Variants in USP6NL observed in about 807,000 individuals in gnomAD.
USP6NL encodes the protein USP6 N-terminal like, also known as USP6 N-terminal-like protein.
A neutral mutation model predicts 61.9 loss-of-function variants in USP6NL; 26 were observed. That is an observed-to-expected ratio of 0.42 (90% confidence interval 0.31 to 0.58). The LOEUF is 0.58. Among genes scored for constraint, USP6NL ranks in the 20% least tolerant of loss-of-function variants. USP6NL has a pLI of 0.16. For synonymous variants in USP6NL, 432 were observed against 390.1 expected, an observed-to-expected ratio of 1.11 and a Z score of -1.27; for missense variants, 1,114 against 1,034.3, an observed-to-expected ratio of 1.08 and a Z score of -1.06.
Position 11,513,208 on chromosome 10 carries a change from G to C in USP6NL, c.196-3533C>G, listed in dbSNP as rs1261288141. Among the ~76,000 whole-genome samples, 2 of 152,212 alleles carry C rather than the reference G, an allele frequency of 1.3e-5. No homozygotes were observed. Among genetic ancestry groups the C allele is most frequent in the Non-Finnish European group, 2.9e-5 (2 of 68,030 alleles). Reference sequence around the variant, plus strand: ...TAACATTCTGTGGTCTCAAGGTGGAGGGGTGGGAAGTAGAATGAATATGAA... The same window carrying C: ...TAACATTCTGTGGTCTCAAGGTGGACGGGTGGGAAGTAGAATGAATATGAA... On this transcript the variant is annotated intron_variant, in intron 5 of 14. Transcript: ENST00000609104. The surrounding 1 kb of genome is among the most constrained non-coding windows in gnomAD (Gnocchi z 4.7).
intron 2 of USP6NL, among the ~76,000 whole-genome samples, chr10:11,570,369 A>G (rs1837313012): frequency 6.6e-6 from 1 of 152,196 alleles, no homozygotes; most frequent in African/African-American, 2.4e-5. Context: ...GGCTACTGTC[A>G]TAATCTAGAG....
chr10:11,565,075 T>A (rs1438855677), intron 2 of USP6NL: 1 of 152,228 alleles, frequency 6.6e-6, no homozygotes, highest in Non-Finnish European at 1.5e-5. Context: ...TTCTACAGTT[T>A]TTTTCTCACG....
Position 11,495,194 on chromosome 10 carries a change from TCCC to T in USP6NL, c.385-1969_385-1967del, listed in dbSNP as rs1833868764. On this transcript the variant is annotated intron_variant, in intron 7 of 14. Coordinates refer to ENST00000609104, the MANE Select transcript of USP6NL (RefSeq NM_014688.5). The surrounding 1 kb of genome is among the most constrained non-coding windows in gnomAD (Gnocchi z 4.6). ...TGTCTTCTGGTCACTTCTCACTGTG[TCCC>T]CTCAGCTCCTATCTCTGTATGGCCT... 6.6e-6 allele frequency among the ~76,000 whole-genome samples: 1 copy of T among 152,186 alleles called. No individual in the cohort carries two copies. The highest frequency in any genetic ancestry group is 1.9e-4 in the East Asian group (1 of 5,198).
chr10:11,592,974 A>G lies in USP6NL; in HGVS notation c.4+4657T>C, dbSNP rs1213114967. On this transcript the variant is annotated intron_variant, in intron 2 of 14. Coordinates refer to ENST00000609104, the MANE Select transcript of USP6NL (RefSeq NM_014688.5). This position sits in a 1 kb window ranked among gnomAD's most constrained non-coding sequence, Gnocchi z 4.7. ...ACTATTAGAAAACCACAAATACACT[A>G]CACCCCAAATTACTCACTGCCATTA... Among the ~76,000 whole-genome samples the G allele has an allele frequency of 6.6e-6, 1 of 152,242 alleles. No homozygotes were observed. Among genetic ancestry groups the G allele is most frequent in the Non-Finnish European group, 1.5e-5 (1 of 68,042 alleles).
rs1835077980 is a variant in USP6NL, at chr10:11,518,794, A to G, written c.156-220T>C. The stretch of plus-strand genomic sequence containing the variant: ...CCCTGCACTGTCACCAGTAGCCACA[A>G]GCCACATTTATTAATAAAAAGCATC... On this transcript the variant is annotated intron_variant, in intron 4 of 14. Coordinates refer to ENST00000609104, the MANE Select transcript of USP6NL (RefSeq NM_014688.5). The surrounding 1 kb of genome is among the most constrained non-coding windows in gnomAD (Gnocchi z 5.3). Among the ~76,000 whole-genome samples, 1 of 152,240 alleles carries G rather than the reference A, an allele frequency of 6.6e-6. No individual in the cohort carries two copies. Among genetic ancestry groups the G allele is most frequent in the South Asian group, 2.1e-4 (1 of 4,830 alleles).
At chr10:11,584,465 G>A (rs1187360417) in intron 2 of USP6NL, among the ~76,000 whole-genome samples, 1 of 152,148 alleles carries the variant, frequency 6.6e-6, no homozygotes, top group Non-Finnish European at 1.5e-5. Context: ...TTACAACAGT[G>A]ATGGAAGACT....
chr10:11,559,753 C>T (rs1836853156), intron 2 of USP6NL, among the ~76,000 whole-genome samples: 1 of 152,120 alleles, frequency 6.6e-6, no homozygotes, highest in East Asian at 1.9e-4. Flanking sequence ...GCTTTCAACT[C>T]CCTGGGGAAG....
rs1312810319 is a variant in USP6NL at position 11,553,063 on chromosome 10, C to T, written c.5-25496G>A. Among the ~76,000 whole-genome samples the T allele has an allele frequency of 6.6e-6, 1 of 152,166 alleles. No individual in the cohort carries two copies. Among genetic ancestry groups the T allele is most frequent in the Non-Finnish European group, 1.5e-5 (1 of 68,034 alleles). On this transcript the variant is annotated intron_variant, in intron 2 of 14. Transcript: ENST00000609104. This position sits in a 1 kb window ranked among gnomAD's most constrained non-coding sequence, Gnocchi z 4.8. ...TTTCGCTCCTACTTATAAGTGAGAA[C>T]ACTGGCATCATTTTTAACATTTTAT...
intron 2 of USP6NL, among the ~76,000 whole-genome samples, chr10:11,550,713 C>T (rs554179050): frequency 5.9e-5 from 9 of 151,780 alleles, no homozygotes; most frequent in Admixed American, 5.2e-4. Flanking sequence ...GCTGAGATCG[C>T]GCCACTGCAC....
intron 2 of USP6NL, among the ~76,000 whole-genome samples, chr10:11,545,029 G>A (rs1836223496): frequency 6.6e-6 from 1 of 152,256 alleles, no homozygotes; most frequent in Non-Finnish European, 1.5e-5. Flanking sequence ...ATTAAATCTA[G>A]GTGAACAGAA....
Position 11,489,167 on chromosome 10 carries a change from A to T in USP6NL, c.599T>A (p.Met200Lys). The change falls in exon 10 of 15, where the codon ATG (methionine) becomes AAG (lysine). Residue 200 changes from methionine (M) to lysine (K), a missense_variant. Physicochemically the swap from Met to Lys is moderately conservative, Grantham distance 95. Coordinates refer to ENST00000609104, the MANE Select transcript of USP6NL (RefSeq NM_014688.5). This position sits in a 1 kb window ranked among gnomAD's most constrained non-coding sequence, Gnocchi z 5.7. ...GGCCCAGAAGGCATCTTCCTCGTTC[A>T]TATACATGAGGAGTAAAGCTGTGAT... ...SQITALLLMY[M>K]NEEDAFWALV... The T allele has an allele frequency of 1.2e-6, 2 of 1,613,978 alleles. No individual in the cohort carries two copies. The highest frequency in any genetic ancestry group is 1.7e-6 in the Non-Finnish European group (2 of 1,179,856).
At chr10:11,590,640 T>C (rs1838132651) in intron 2 of USP6NL, among the ~76,000 whole-genome samples, 1 of 152,068 alleles carries the variant, frequency 6.6e-6, no homozygotes, top group Non-Finnish European at 1.5e-5. Flanking sequence ...TTCCAACCAG[T>C]ACATCAACTC....
rs142649349 is a variant in USP6NL, at chr10:11,528,128, GACACACAC to G, written c.5-569_5-562del. Among the ~76,000 whole-genome samples the G allele has an allele frequency of 4.2e-5, 6 of 142,176 alleles. No homozygotes were observed. Among genetic ancestry groups the G allele is most frequent in the South Asian group, 2.3e-4 (1 of 4,444 alleles). 93.3% of individuals were successfully genotyped at this position (142,176 alleles called of 152,430 possible). A position where few individuals can be genotyped will look rare whatever the true frequency, so the allele number is the denominator to read the frequency against. On this transcript the variant is annotated intron_variant, in intron 2 of 14. Coordinates refer to ENST00000609104, the MANE Select transcript of USP6NL (RefSeq NM_014688.5). The surrounding 1 kb of genome is among the most constrained non-coding windows in gnomAD (Gnocchi z 4.6). ...ACATATGTGTGTGGACACACACACA[GACACACAC>G]ACACACACACACACACACACACACC... is the stretch of plus-strand genomic sequence containing the variant.
chr10:11,571,759 T>TG (rs1837371604), intron 2 of USP6NL, among the ~76,000 whole-genome samples: 2 of 151,620 alleles, frequency 1.3e-5, no homozygotes, highest in South Asian at 4.1e-4. Flanking sequence ...AACAATATTC[T>TG]GCAAAAGGAT....
Position 11,592,553 on chromosome 10 carries a change from A to G in USP6NL, c.4+5078T>C, listed in dbSNP as rs558762085. ...TCAAACATAAATGAGTCTTAATATA[A>G]CAAAAGGATACCTGTTATACTTTGT... On this transcript the variant is annotated intron_variant, in intron 2 of 14. Transcript: ENST00000609104. The surrounding 1 kb of genome is among the most constrained non-coding windows in gnomAD (Gnocchi z 4.7). Among the ~76,000 whole-genome samples, 1 of 152,398 alleles carries G rather than the reference A, an allele frequency of 6.6e-6. No individual in the cohort carries two copies. The highest frequency in any genetic ancestry group is 1.9e-4 in the East Asian group (1 of 5,196).
intron 5 of USP6NL, among the ~76,000 whole-genome samples, chr10:11,516,214 AAC>A (rs1834950460): frequency 6.6e-6 from 1 of 152,106 alleles, no homozygotes; most frequent in Non-Finnish European, 1.5e-5. Flanking sequence ...CCCTATTTTA[AAC>A]AGAGAACTGC....
rs944260887 is a variant in USP6NL at position 11,468,107 on chromosome 10, T to C, written c.1079-4258A>G. Reference sequence around the variant, plus strand: ...AGTCATGATGAGTGATCACCTTCTTTGCTTTCTGAGTGATCAAAAATCCAT... The same window carrying C: ...AGTCATGATGAGTGATCACCTTCTTCGCTTTCTGAGTGATCAAAAATCCAT... On this transcript the variant is annotated intron_variant, in intron 14 of 14. Coordinates refer to ENST00000609104, the MANE Select transcript of USP6NL (RefSeq NM_014688.5). This position sits in a 1 kb window ranked among gnomAD's most constrained non-coding sequence, Gnocchi z 4.5. 2.0e-5 allele frequency among the ~76,000 whole-genome samples: 3 copies of C among 152,234 alleles called. No individual in the cohort carries two copies. Among genetic ancestry groups the C allele is most frequent in the Non-Finnish European group, 2.9e-5 (2 of 68,042 alleles).
At chr10:11,568,427 A>C (rs973860664) in intron 2 of USP6NL, among the ~76,000 whole-genome samples, 1 of 152,196 alleles carries the variant, frequency 6.6e-6, no homozygotes, top group African/African-American at 2.4e-5. Flanking sequence ...TCCAACTCCC[A>C]AATCAATATC....
intron 6 of USP6NL, among the ~76,000 whole-genome samples, chr10:11,507,581 T>TAA (rs1834508296): frequency 5.9e-5 from 9 of 152,182 alleles, no homozygotes; most frequent in Admixed American, 5.2e-4. Flanking sequence ...TCAAAAAGAT[T>TAA]CCCATGGTTA....
Sources: allele counts gnomAD v4.1 joint callset (sites outside exome capture counted in the v4.1 genomes callset), GRCh38; gene constraint gnomAD v4.1.1; non-coding constraint Gnocchi (gnomAD v3.1); transcripts MANE v1.5; gene names NCBI Gene and HGNC (gene_info 2026-07-23, HGNC 2026-07-21).